DOCK8: variants seen among roughly 807,000 people sequenced by gnomAD.
DOCK8 encodes the protein dedicator of cytokinesis protein 8.
Under a neutral mutation model 245.6 loss-of-function variants are expected in DOCK8, and 141 were observed. The observed-to-expected ratio is 0.57, with a 90% CI of 0.50 to 0.66. DOCK8 has a LOEUF of 0.66. DOCK8 is among the 30% of genes least tolerant of loss of function. DOCK8 has a pLI of 0.00. For missense variants in DOCK8, 2,965 were observed against 2,603.4 expected (o/e 1.14, Z -3.02); for synonymous variants, 1,168 against 970.2 (o/e 1.20, Z -3.79).
intron 1 of DOCK8, among the ~76,000 whole-genome samples, chr9:249,370 G>C (rs999567711): frequency 2.6e-5 from 4 of 152,202 alleles, no homozygotes; most frequent in Non-Finnish European, 5.9e-5. Flanking sequence ...TAAATGAAAA[G>C]AGGAAAGTCA....
At chr9:378,037 G>T (rs182460236) in intron 20 of DOCK8, among the ~76,000 whole-genome samples, 2 of 152,236 alleles carry the variant, frequency 1.3e-5, no homozygotes, top group African/African-American at 4.8e-5. Context: ...CCATCCATAT[G>T]CCCAGTACTG....
chr9:324,986 C>T (rs1374235821), intron 7 of DOCK8, among the ~76,000 whole-genome samples: 1 of 152,108 alleles, frequency 6.6e-6, no homozygotes, highest in East Asian at 1.9e-4. Context: ...TACTCTCCTG[C>T]TTCTGAGTCT....
At chr9:319,999 T>C (rs2050515934) in intron 7 of DOCK8, among the ~76,000 whole-genome samples, 1 of 152,252 alleles carries the variant, frequency 6.6e-6, no homozygotes, top group African/African-American at 2.4e-5. Context: ...CAAGAGATTC[T>C]GGTTGAGTAG....
At chr9:277,486 G>GAAGAGAAGAC (rs2048403115) in intron 2 of DOCK8, among the ~76,000 whole-genome samples, 1 of 137,074 alleles carries the variant, frequency 7.3e-6, no homozygotes, top group Non-Finnish European at 1.6e-5. Flanking sequence ...GAAGAGAAGA[G>GAAGAGAAGAC]AAGACATACA....
intron 24 of DOCK8, among the ~76,000 whole-genome samples, chr9:395,310 A>G (rs1293308268): frequency 2.6e-5 from 4 of 152,194 alleles, no homozygotes; most frequent in East Asian, 3.8e-4. Context: ...CATGAAACAC[A>G]TAAAGCCTGT....
intron 4 of DOCK8, among the ~76,000 whole-genome samples, chr9:291,780 A>G (rs890950583): frequency 5.3e-5 from 8 of 151,750 alleles, no homozygotes; most frequent in African/African-American, 1.9e-4. Flanking sequence ...ATCAAACATT[A>G]TGCCGGGCGC....
intron 36 of DOCK8, 145 bp downstream of exon 36, chr9:429,999 G>C (rs2056651330): frequency 2.1e-6 from 2 of 965,852 alleles, no homozygotes; most frequent in Non-Finnish European, 3.1e-6. Flanking sequence ...TATGTAGATA[G>C]ATAGCAGCTT....
At chr9:342,869 T>G (rs2051677689) in intron 14 of DOCK8, among the ~76,000 whole-genome samples, 1 of 152,192 alleles carries the variant, frequency 6.6e-6, no homozygotes, top group African/African-American at 2.4e-5. Context: ...AGTTTTCAGC[T>G]CTTACAAACA....
At chr9:257,807 G>A (rs867079832) in intron 1 of DOCK8, among the ~76,000 whole-genome samples, 4 of 152,114 alleles carry the variant, frequency 2.6e-5, no homozygotes, top group East Asian at 3.9e-4. Flanking sequence ...GTGAGCCACC[G>A]CGCCCAGCCA....
intron 2 of DOCK8, among the ~76,000 whole-genome samples, chr9:283,165 G>T (rs182030690): frequency 9.1e-4 from 139 of 152,282 alleles, no homozygotes; most frequent in Middle Eastern, 3.4e-3. Flanking sequence ...TTGAATTCCA[G>T]ATGGGCCAGT....
At chr9:215,157 TG>T in intron 1 of DOCK8, 128 bp downstream of exon 1, 1 of 1,491,614 alleles carries the variant, frequency 6.7e-7, no homozygotes, top group South Asian at 1.3e-5. Context: ...GCCTGAGACC[TG>T]GGGCGCCCGG....
intron 33 of DOCK8, among the ~76,000 whole-genome samples, chr9:424,092 A>G (rs1316058932): frequency 2.0e-5 from 3 of 151,198 alleles, no homozygotes; most frequent in Non-Finnish European, 4.4e-5. Context: ...GGGAAACCAT[A>G]GTAAAATTAT....
At chr9:216,305 G>T (rs2046749553) in intron 1 of DOCK8, among the ~76,000 whole-genome samples, 1 of 152,054 alleles carries the variant, frequency 6.6e-6, no homozygotes, top group African/African-American at 2.4e-5. Flanking sequence ...CCAGATGGGA[G>T]GATTACTTGA....
chr9:307,348 T>G (rs1460150479), intron 5 of DOCK8, among the ~76,000 whole-genome samples: 10 of 16,768 alleles, frequency 6.0e-4, no homozygotes, highest in South Asian at 4.0e-3. Flanking sequence ...GTTTTTTTTT[T>G]TTTTTTTTTT....
intron 9 of DOCK8, 137 bp downstream of exon 9, chr9:328,308 C>A: frequency 1.7e-6 from 2 of 1,207,842 alleles, no homozygotes; most frequent in Non-Finnish European, 2.4e-6. Flanking sequence ...TCTCAGTTTA[C>A]CCCTTTTCCG....
intron 6 of DOCK8, 28 bp from the exon 7 acceptor site, chr9:317,015 G>T: frequency 6.4e-7 from 1 of 1,572,544 alleles, no homozygotes; most frequent in Non-Finnish European, 8.8e-7. Flanking sequence ...ATTCACTAAT[G>T]ATTTCCTTAC....
intron 24 of DOCK8, among the ~76,000 whole-genome samples, chr9:392,569 G>A (rs570948706): frequency 6.6e-6 from 1 of 152,288 alleles, no homozygotes; most frequent in South Asian, 2.1e-4. Flanking sequence ...TTCTAAGCCT[G>A]TTAATGATCC....
chr9:431,943 C>T (rs901600925), intron 36 of DOCK8, among the ~76,000 whole-genome samples: 1 of 152,124 alleles, frequency 6.6e-6, no homozygotes, highest in Non-Finnish European at 1.5e-5. Context: ...TTAAAGGGAG[C>T]CTGACAGATT....
chr9:339,947 T>G (rs1445083991), intron 13 of DOCK8, among the ~76,000 whole-genome samples: 1 of 152,252 alleles, frequency 6.6e-6, no homozygotes, highest in Non-Finnish European at 1.5e-5. Flanking sequence ...CATTTTACAA[T>G]TTCTTGCTTT....
Sources: gnomAD v4.1 joint callset for allele counts (sites outside exome capture counted in the v4.1 genomes callset) on GRCh38, gnomAD v4.1.1 for gene constraint, MANE v1.5 for transcripts, NCBI Gene and HGNC (gene_info 2026-07-23, HGNC 2026-07-21) for gene names.